Variants in ACACA observed in about 807,000 individuals in gnomAD.
ACACA encodes acetyl-CoA carboxylase alpha, also known as acetyl-CoA carboxylase 1.
Under a neutral mutation model 296.1 loss-of-function variants are expected in ACACA, and 103 were observed. That is an observed-to-expected ratio of 0.35 (90% CI 0.30 to 0.41). The LOEUF (loss-of-function observed/expected upper bound fraction) is 0.41, where lower values mean the gene tolerates loss of function less well. Ranked by LOEUF, ACACA falls within the 10% of genes least tolerant of loss-of-function variation. The probability of loss-of-function intolerance (pLI) is 1.00; values close to 1 mark genes in which losing one functional copy is unlikely to be tolerated. For synonymous variants in ACACA, 953 were observed against 1,038.6 expected, an observed-to-expected ratio of 0.92 and a Z score of 1.58; for missense variants, 1,554 against 2,989.7, an observed-to-expected ratio of 0.52 and a Z score of 11.20.
In ACACA at chr17:37,217,734, C is replaced by CAAA. The variant is rs57846347; in HGVS notation, c.3683+3987_3683+3989dup. Among the ~76,000 whole-genome samples, 182 of 29,372 alleles carry CAAA rather than the reference C, an allele frequency of 6.2e-3. 1 individual carries two copies. The highest frequency in any genetic ancestry group is 0.026 in the African/African-American group (145 of 5,650). 19.3% of individuals were successfully genotyped at this position (29,372 alleles called of 152,430 possible). A position where few individuals can be genotyped will look rare whatever the true frequency, so the allele number is the denominator to read the frequency against. On this transcript the variant is annotated intron_variant, in intron 29 of 55. Transcript: ENST00000616317. Reference sequence around the variant, plus strand: ...TGGGCGACAGAGTGAGACTCCATCTCAAAAAAAAAAAAAAAAAAAAAAAAA... The same window carrying CAAA: ...TGGGCGACAGAGTGAGACTCCATCTCAAAAAAAAAAAAAAAAAAAAAAAAAAAA...
At chr17:37,396,165 C>A (rs951451287) in intron 1 of ACACA, among the ~76,000 whole-genome samples, 1 of 151,920 alleles carries the variant, frequency 6.6e-6, no homozygotes, top group Non-Finnish European at 1.5e-5. Context: ...GATGGTGAAA[C>A]CCTGTCTCTA....
At chr17:37,363,182 T>TC (rs1555661575) in intron 1 of ACACA, among the ~76,000 whole-genome samples, 67 of 85,092 alleles carry the variant, frequency 7.9e-4, no homozygotes, top group Non-Finnish European at 1.2e-3. Flanking sequence ...TCTTTTTCTT[T>TC]TTTTTTTTTT....
intron 3 of ACACA, among the ~76,000 whole-genome samples, chr17:37,308,396 T>C (rs942611576): frequency 1.3e-5 from 2 of 152,150 alleles, no homozygotes; most frequent in Admixed American, 1.3e-4. Flanking sequence ...GATAAATTTC[T>C]ACTAAGACTG....
chr17:37,278,809 G>A (rs1307531602), intron 5 of ACACA, among the ~76,000 whole-genome samples: 1 of 152,010 alleles, frequency 6.6e-6, no homozygotes, highest in Non-Finnish European at 1.5e-5. Flanking sequence ...ATTTATTTTA[G>A]CTTTCAAATT....
At chr17:37,135,440 C>T (rs995480655) in intron 45 of ACACA, among the ~76,000 whole-genome samples, 2 of 152,100 alleles carry the variant, frequency 1.3e-5, no homozygotes, top group African/African-American at 4.8e-5. Context: ...GAGAGAAAAG[C>T]CTCTGACATG....
rs1442689452 is a variant in ACACA at position 37,085,693 on chromosome 17, T to C, written c.*1623A>G. ...GGGCTGTCCGCTCCATACCCAGCCATACAGTGCCCACCTGCAACCCAGAAC... is the reference window on the plus strand; with the variant it reads ...GGGCTGTCCGCTCCATACCCAGCCACACAGTGCCCACCTGCAACCCAGAAC... On this transcript the variant is annotated 3_prime_UTR_variant, in exon 56 of 56. Coordinates refer to ENST00000616317, the MANE Select transcript of ACACA (RefSeq NM_198834.3). The C allele has an allele frequency of 7.5e-6, 3 of 399,040 alleles. No individual in the cohort carries two copies. Among genetic ancestry groups the C allele is most frequent in the African/African-American group, 4.1e-5 (2 of 48,630 alleles). 24.7% of individuals were successfully genotyped at this position (399,040 alleles called of 1,614,324 possible).
chr17:37,391,697 C>A, intron 1 of ACACA: 1 of 1,613,844 alleles, frequency 6.2e-7, no homozygotes. Context: ...CTGCAGAGAT[C>A]ACTGTTATCC....
intron 50 of ACACA, among the ~76,000 whole-genome samples, chr17:37,120,686 T>C (rs549616818): frequency 1.3e-5 from 2 of 152,338 alleles, no homozygotes; most frequent in East Asian, 1.9e-4. Context: ...TATCTGGCCA[T>C]GGGACAGAGG....
chr17:37,284,075 T>C (rs2082666059), intron 4 of ACACA, among the ~76,000 whole-genome samples: 1 of 152,196 alleles, frequency 6.6e-6, no homozygotes, highest in South Asian at 2.1e-4. Flanking sequence ...GAAGTAATAC[T>C]TTTAGGAGTG....
intron 29 of ACACA, among the ~76,000 whole-genome samples, chr17:37,212,559 T>A (rs2078794154): frequency 6.6e-6 from 1 of 152,096 alleles, no homozygotes; most frequent in African/African-American, 2.4e-5. Context: ...GTAAGGGAGA[T>A]AAGCAAGGAA....
rs1382613744 is a variant in ACACA, at chr17:37,086,126, CTG to C, written c.*1188_*1189del. ...AAATAATCTTAAGGTCATGTGGATT[CTG>C]TGTTTCCTGGAAGCCTCCCTCATCA... On this transcript the variant is annotated 3_prime_UTR_variant, in exon 56 of 56. Coordinates refer to ENST00000616317, the MANE Select transcript of ACACA (RefSeq NM_198834.3). 10 of 233,860 alleles carry C rather than the reference CTG, an allele frequency of 4.3e-5. No homozygotes were observed. Among genetic ancestry groups the C allele is most frequent in the Non-Finnish European group, 8.2e-5 (10 of 122,222 alleles). 14.5% of individuals were successfully genotyped at this position (233,860 alleles called of 1,614,324 possible).
intron 3 of ACACA, among the ~76,000 whole-genome samples, chr17:37,321,407 G>A (rs1032160154): frequency 6.6e-6 from 1 of 152,062 alleles, no homozygotes; most frequent in Non-Finnish European, 1.5e-5. Flanking sequence ...GGTGGATCAC[G>A]AGGTCAGGAG....
Position 37,098,118 on chromosome 17 carries a change from T to C in ACACA, c.6566-134A>G. The C allele has an allele frequency of 5.4e-6, 6 of 1,114,934 alleles. 1 individual carries two copies. The highest frequency in any genetic ancestry group is 5.1e-5 in the South Asian group (4 of 79,038). 69.1% of individuals were successfully genotyped at this position (1,114,934 alleles called of 1,614,324 possible). On this transcript the variant is annotated intron_variant, in intron 52 of 55. Transcript: ENST00000616317. ...TCTGTGGCCTGGCTCTCCGTTGTCTTCTCTGCTCTTTGCTGATTAACAGGG... is the reference window on the plus strand; with the variant it reads ...TCTGTGGCCTGGCTCTCCGTTGTCTCCTCTGCTCTTTGCTGATTAACAGGG...
chr17:37,406,225 A>T, intron 1 of ACACA, 37 bp downstream of exon 1: 1 of 1,605,986 alleles, frequency 6.2e-7, no homozygotes, highest in Non-Finnish European at 8.5e-7. Context: ...TATTAGAATC[A>T]TCATTAACAG....
intron 3 of ACACA, among the ~76,000 whole-genome samples, chr17:37,294,998 C>T (rs534577134): frequency 6.6e-6 from 1 of 152,230 alleles, no homozygotes; most frequent in African/African-American, 2.4e-5. Flanking sequence ...TCCTGTTCCA[C>T]TAGAGTGATA....
At chr17:37,163,165 G>T in intron 41 of ACACA, 1 of 121,326 alleles carries the variant, frequency 8.2e-6, no homozygotes. Flanking sequence ...ACCCAGGTGT[G>T]GCTTAAATTA....
chr17:37,258,777 T>C (rs2081323686), intron 12 of ACACA, among the ~76,000 whole-genome samples: 1 of 152,208 alleles, frequency 6.6e-6, no homozygotes, highest in Non-Finnish European at 1.5e-5. Flanking sequence ...TAAGTAAATC[T>C]TTAGTCTTTA....
Position 37,350,696 on chromosome 17 carries a change from G to A in ACACA, c.39-10846C>T, listed in dbSNP as rs545767953. 7.2e-5 allele frequency among the ~76,000 whole-genome samples: 11 copies of A among 152,128 alleles called. No individual in the cohort carries two copies. In the South Asian group the frequency reaches 1.2e-3, roughly 17 times the overall value. On this transcript the variant is annotated intron_variant, in intron 1 of 55. Transcript: ENST00000616317. ...CTCTACTAAAAATACAAAATTATCCGGGCATGGTGGCGCATGCCTGTAATC... is the reference window on the plus strand; with the variant it reads ...CTCTACTAAAAATACAAAATTATCCAGGCATGGTGGCGCATGCCTGTAATC...
intron 48 of ACACA, among the ~76,000 whole-genome samples, chr17:37,124,089 A>G (rs2074659364): frequency 6.6e-6 from 1 of 152,252 alleles, no homozygotes; most frequent in Non-Finnish European, 1.5e-5. Context: ...TACATACCAA[A>G]GATGAGTTTT....
Sources: gnomAD v4.1 joint callset for allele counts (sites outside exome capture counted in the v4.1 genomes callset) on GRCh38, gnomAD v4.1.1 for gene constraint, MANE v1.5 for transcripts, NCBI Gene and HGNC (gene_info 2026-07-23, HGNC 2026-07-21) for gene names.